AKT3: variants seen among roughly 807,000 people sequenced by gnomAD.
The protein encoded by AKT3 is AKT serine/threonine kinase 3.
In AKT3, 15 loss-of-function variants were observed where a neutral mutation model predicts 65.3. The ratio of observed to expected loss-of-function variants is 0.23; its 90% CI spans 0.15 to 0.35. The LOEUF is 0.35. AKT3 is among the 10% of genes least tolerant of loss of function. The pLI is 1.00. For synonymous variants in AKT3, 206 were observed against 183.8 expected (o/e 1.12, Z -0.98); for missense variants, 243 against 576.5 (o/e 0.42, Z 5.92).
chr1:243,658,684 C>T (rs186160668), intron 4 of AKT3, among the ~76,000 whole-genome samples: 4 of 152,016 alleles, frequency 2.6e-5, no homozygotes, highest in Non-Finnish European at 5.9e-5. Context: ...CTCATTGTTG[C>T]ACTATTCGCA....
chr1:243,489,183 C>A, intron 13 of AKT3: 1 of 1,603,866 alleles, frequency 6.2e-7, no homozygotes, highest in Non-Finnish European at 8.5e-7. Flanking sequence ...CTTGGGCGGG[C>A]GTCTACAGGT....
At chr1:243,566,523 G>A (rs556766448) in intron 9 of AKT3, among the ~76,000 whole-genome samples, 3 of 152,152 alleles carry the variant, frequency 2.0e-5, no homozygotes, top group South Asian at 4.1e-4. Flanking sequence ...GAGAGAGATG[G>A]GGTAAGGGTC....
intron 2 of AKT3, among the ~76,000 whole-genome samples, chr1:243,801,360 T>C (rs1692370889): frequency 6.6e-6 from 1 of 152,204 alleles, no homozygotes; most frequent in Non-Finnish European, 1.5e-5. Flanking sequence ...TTAAAAACCA[T>C]TAAAAGCCAT....
chr1:243,824,342 A>G (rs995242255), intron 2 of AKT3, among the ~76,000 whole-genome samples: 3 of 152,222 alleles, frequency 2.0e-5, no homozygotes, highest in Non-Finnish European at 4.4e-5. Flanking sequence ...TTCAGGACAC[A>G]GGCATGGGCA....
chr1:243,525,478 A>G (rs1462698898), intron 12 of AKT3, among the ~76,000 whole-genome samples: 1 of 151,946 alleles, frequency 6.6e-6, no homozygotes, highest in Non-Finnish European at 1.5e-5. Flanking sequence ...GCAACTTTAT[A>G]ATTATCTTCA....
intron 2 of AKT3, chr1:243,740,877 A>C (rs1163333026): frequency 6.6e-6 from 1 of 152,202 alleles, no homozygotes; most frequent in African/African-American, 2.4e-5. Context: ...GCCAGGTAGG[A>C]AAGAATGACT....
chr1:243,565,352 T>C (rs1023983814), intron 9 of AKT3, among the ~76,000 whole-genome samples: 1 of 152,162 alleles, frequency 6.6e-6, no homozygotes, highest in Non-Finnish European at 1.5e-5. Flanking sequence ...GCCTCCTGAA[T>C]GGCTGGGAAC....
At chr1:243,766,383 G>A (rs951642608) in intron 2 of AKT3, among the ~76,000 whole-genome samples, 6 of 152,100 alleles carry the variant, frequency 3.9e-5, no homozygotes, top group African/African-American at 1.2e-4. Flanking sequence ...GTCCTATGAT[G>A]GAAATGTACA....
At chr1:243,542,536 T>A (rs1672393265) in intron 12 of AKT3, among the ~76,000 whole-genome samples, 1 of 152,212 alleles carries the variant, frequency 6.6e-6, no homozygotes. Context: ...AATTATGTGA[T>A]AATAAATTAA....
intron 8 of AKT3, among the ~76,000 whole-genome samples, chr1:243,578,731 G>A (rs1254299653): frequency 2.6e-5 from 4 of 151,990 alleles, no homozygotes. Flanking sequence ...AGGCAATTCG[G>A]GTAGCAATGA....
chr1:243,636,181 C>T (rs990252752), intron 6 of AKT3, among the ~76,000 whole-genome samples: 4 of 151,938 alleles, frequency 2.6e-5, no homozygotes, highest in African/African-American at 9.7e-5. Context: ...TAATAATACA[C>T]AGTAGGTAGT....
rs559246016 is a variant in AKT3, at chr1:243,514,055, A to T, written c.1252-1629T>A. ...GAAAACCAAGGGGGTAATTGCCCCTATCTGGCAGAAAACGGGAAGACTGGA... is the reference window on the plus strand; with the variant it reads ...GAAAACCAAGGGGGTAATTGCCCCTTTCTGGCAGAAAACGGGAAGACTGGA... On this transcript the variant is annotated intron_variant, in intron 12 of 13. Transcript: ENST00000673466. 8.5e-5 allele frequency among the ~76,000 whole-genome samples: 13 copies of T among 152,278 alleles called. No homozygotes were observed. In the South Asian group the frequency reaches 2.7e-3, roughly 32 times the overall value.
At chr1:243,559,045 C>G (rs1415641426) in intron 10 of AKT3, among the ~76,000 whole-genome samples, 1 of 152,000 alleles carries the variant, frequency 6.6e-6, no homozygotes, top group East Asian at 1.9e-4. Context: ...GGAGCCAAAT[C>G]AAATAATAAA....
At chr1:243,785,874 G>A (rs1691230178) in intron 2 of AKT3, among the ~76,000 whole-genome samples, 1 of 152,158 alleles carries the variant, frequency 6.6e-6, no homozygotes, top group Non-Finnish European at 1.5e-5. Flanking sequence ...AACTGCTTTT[G>A]TCCATCCCAA....
At chr1:243,618,921 A>C (rs1050528065) in intron 6 of AKT3, among the ~76,000 whole-genome samples, 1 of 152,140 alleles carries the variant, frequency 6.6e-6, no homozygotes, top group African/African-American at 2.4e-5. Context: ...TTAATGATCA[A>C]GAACACCATG....
At chr1:243,703,927 A>C (rs932528647) in intron 2 of AKT3, among the ~76,000 whole-genome samples, 1 of 152,182 alleles carries the variant, frequency 6.6e-6, no homozygotes, top group Non-Finnish European at 1.5e-5. Flanking sequence ...ACATATATTG[A>C]TTAGATTTTC....
chr1:243,760,976 TGAA>T (rs1689456948), intron 2 of AKT3, among the ~76,000 whole-genome samples: 1 of 152,220 alleles, frequency 6.6e-6, no homozygotes, highest in African/African-American at 2.4e-5. Context: ...GATCAGCTGA[TGAA>T]GACGTGACCA....
At chr1:243,656,812 A>G (rs1558689852) in intron 4 of AKT3, among the ~76,000 whole-genome samples, 1 of 152,222 alleles carries the variant, frequency 6.6e-6, no homozygotes, top group Non-Finnish European at 1.5e-5. Flanking sequence ...CAGTGAAAGT[A>G]GTTAGCTGTT....
chr1:243,641,759 A>G (rs1680409996), intron 5 of AKT3, among the ~76,000 whole-genome samples: 1 of 152,148 alleles, frequency 6.6e-6, no homozygotes, highest in South Asian at 2.1e-4. Flanking sequence ...ACATGGCAAA[A>G]CCCTGTCTCT....
Sources: allele counts gnomAD v4.1 joint callset (sites outside exome capture counted in the v4.1 genomes callset), GRCh38; gene constraint gnomAD v4.1.1; transcripts MANE v1.5; gene names NCBI Gene and HGNC (gene_info 2026-07-23, HGNC 2026-07-21).